KCNIP4: variants seen among roughly 807,000 people sequenced by gnomAD.
The protein encoded by KCNIP4 is Kv channel-interacting protein 4.
KCNIP4 carries 12 observed loss-of-function variants against 34.0 expected under a neutral mutation model. That is an observed-to-expected ratio of 0.35 (90% CI 0.23 to 0.57). KCNIP4 has a LOEUF of 0.57. KCNIP4 is among the 20% of genes least tolerant of loss of function. KCNIP4 has a pLI of 0.83. For missense variants in KCNIP4, 238 were observed against 311.7 expected (o/e 0.76, Z 1.78); for synonymous variants, 124 against 102.2 (o/e 1.21, Z -1.29).
intron 1 of KCNIP4, among the ~76,000 whole-genome samples, chr4:20,888,836 T>C (rs1725601195): frequency 6.6e-6 from 1 of 152,130 alleles, no homozygotes; most frequent in African/African-American, 2.4e-5. Flanking sequence ...TTTGGTTTTT[T>C]TAAAGGTTAC....
intron 1 of KCNIP4, among the ~76,000 whole-genome samples, chr4:21,269,452 T>A (rs1025836684): frequency 1.4e-4 from 21 of 152,228 alleles, no homozygotes; most frequent in Admixed American, 2.6e-4. Context: ...AATGTCCAGG[T>A]TGGAGTGCAG....
chr4:21,686,464 CTATG>C (rs1560628277), intron 1 of KCNIP4, among the ~76,000 whole-genome samples: 1 of 152,078 alleles, frequency 6.6e-6, no homozygotes, highest in African/African-American at 2.4e-5. Context: ...AGAGATATAA[CTATG>C]TATTTTTTAT....
chr4:21,103,963 TTTTCTTAATCCA>T (rs1748225199), intron 1 of KCNIP4, among the ~76,000 whole-genome samples: 3 of 152,090 alleles, frequency 2.0e-5, no homozygotes, highest in Admixed American at 2.0e-4. Context: ...ATGGGCCACA[TTTTCTTAATCCA>T]GTCTATCATT....
intron 1 of KCNIP4, among the ~76,000 whole-genome samples, chr4:21,390,783 C>A (rs757171435): frequency 6.6e-6 from 1 of 151,986 alleles, no homozygotes. Flanking sequence ...CTTGGCAATG[C>A]GGGCCCTTTT....
At chr4:21,342,786 C>CT (rs201959879) in intron 1 of KCNIP4, among the ~76,000 whole-genome samples, 4 of 151,538 alleles carry the variant, frequency 2.6e-5, no homozygotes, top group Non-Finnish European at 4.4e-5. Context: ...CGTATATGCA[C>CT]TTTTTTTTTC....
intron 1 of KCNIP4, among the ~76,000 whole-genome samples, chr4:21,607,685 T>C (rs564373468): frequency 3.3e-5 from 5 of 151,978 alleles, no homozygotes; most frequent in Non-Finnish European, 7.4e-5. Flanking sequence ...CCAGTTTTCT[T>C]AGTCCTGTTC....
chr4:20,961,913 T>C (rs935796022), intron 1 of KCNIP4, among the ~76,000 whole-genome samples: 1 of 152,166 alleles, frequency 6.6e-6, no homozygotes, highest in Non-Finnish European at 1.5e-5. Flanking sequence ...CTCATAATAC[T>C]AACACTTTTT....
intron 2 of KCNIP4, among the ~76,000 whole-genome samples, chr4:20,852,470 A>G (rs1721139351): frequency 6.6e-6 from 1 of 152,200 alleles, no homozygotes. Flanking sequence ...TACAAGGCAC[A>G]TACCTTAATG....
At chr4:21,419,095 C>A (rs149827648) in intron 1 of KCNIP4, among the ~76,000 whole-genome samples, 6 of 152,286 alleles carry the variant, frequency 3.9e-5, no homozygotes, top group African/African-American at 1.4e-4. Context: ...GAATACGAAT[C>A]AAGGTTGATG....
intron 3 of KCNIP4, among the ~76,000 whole-genome samples, chr4:20,762,024 ACTGT>A (rs1337457102): frequency 1.3e-5 from 2 of 152,196 alleles, no homozygotes; most frequent in African/African-American, 2.4e-5. Context: ...AAGAATAAAG[ACTGT>A]CTTTGTTCAG....
intron 1 of KCNIP4, among the ~76,000 whole-genome samples, chr4:21,578,350 A>G (rs1740918844): frequency 6.6e-6 from 1 of 150,622 alleles, no homozygotes; most frequent in Non-Finnish European, 1.5e-5. Context: ...AAAAAAAAAA[A>G]AAAAAAAAGA....
rs1749409853 is a variant in KCNIP4 at position 21,113,454 on chromosome 4, TTAAAAAAAA to T, written c.62-230754_62-230746del. Reference sequence around the variant, plus strand: ...AGAGGTTGTGCATCTATCTATAAGTTTAAAAAAAAAAAAAAAAAAAAAAAAAGGAAAGCT... The same window carrying T: ...AGAGGTTGTGCATCTATCTATAAGTTAAAAAAAAAAAAAAAAAGGAAAGCT... On this transcript the variant is annotated intron_variant, in intron 1 of 8. Transcript: ENST00000382152. Among the ~76,000 whole-genome samples the T allele has an allele frequency of 4.8e-4, 27 of 55,688 alleles. 1 individual carries two copies. The highest frequency in any genetic ancestry group is 2.0e-3 in the African/African-American group (26 of 12,812). 36.5% of individuals were successfully genotyped at this position (55,688 alleles called of 152,430 possible). A position where few individuals can be genotyped will look rare whatever the true frequency, so the allele number is the denominator to read the frequency against.
chr4:21,088,471 A>G (rs1398852271), intron 1 of KCNIP4, among the ~76,000 whole-genome samples: 1 of 152,118 alleles, frequency 6.6e-6, no homozygotes, highest in African/African-American at 2.4e-5. Flanking sequence ...TTCTGTACAC[A>G]ATGACCACAA....
chr4:21,689,710 T>C (rs114150945), intron 1 of KCNIP4, among the ~76,000 whole-genome samples: 2,860 of 152,250 alleles, frequency 0.019, 82 homozygotes, highest in African/African-American at 0.064. Context: ...GGGTGTCAAA[T>C]GACGAAATGC....
chr4:20,797,511 C>T (rs115360025), intron 3 of KCNIP4, among the ~76,000 whole-genome samples: 75 of 152,228 alleles, frequency 4.9e-4, no homozygotes, highest in African/African-American at 1.5e-3. Context: ...TTTTCCTCTG[C>T]GATTAAGTAA....
At chr4:21,066,535 C>T (rs997819888) in intron 1 of KCNIP4, among the ~76,000 whole-genome samples, 6 of 152,108 alleles carry the variant, frequency 3.9e-5, no homozygotes, top group African/African-American at 1.4e-4. Flanking sequence ...CCCCCTCATC[C>T]CCTGGCATGT....
At chr4:21,213,173 C>T (rs886657330) in intron 1 of KCNIP4, among the ~76,000 whole-genome samples, 15 of 152,154 alleles carry the variant, frequency 9.9e-5, no homozygotes, top group African/African-American at 3.4e-4. Context: ...TATTTTAGAG[C>T]ACATGAGGCA....
At chr4:21,109,301 A>G (rs947587980) in intron 1 of KCNIP4, among the ~76,000 whole-genome samples, 4 of 152,196 alleles carry the variant, frequency 2.6e-5, no homozygotes, top group Non-Finnish European at 5.9e-5. Context: ...AAGCCTAGGC[A>G]ATGGCAGGCG....
intron 1 of KCNIP4, among the ~76,000 whole-genome samples, chr4:21,172,983 A>G (rs1282400335): frequency 6.6e-6 from 1 of 152,200 alleles, no homozygotes; most frequent in Non-Finnish European, 1.5e-5. Context: ...AAGCGGCACT[A>G]CAGCTCGTAT....
Sources: gnomAD v4.1 joint callset for allele counts (sites outside exome capture counted in the v4.1 genomes callset) on GRCh38, gnomAD v4.1.1 for gene constraint, MANE v1.5 for transcripts, NCBI Gene and HGNC (gene_info 2026-07-23, HGNC 2026-07-21) for gene names.